NAALAD2: variants seen among roughly 807,000 people sequenced by gnomAD.
The protein encoded by NAALAD2 is N-acetylated alpha-linked acidic dipeptidase 2, also known as N-acetylated-alpha-linked acidic dipeptidase 2.
In NAALAD2, 89 loss-of-function variants were observed where a neutral mutation model predicts 95.6. The observed-to-expected ratio is 0.93, with a 90% CI of 0.78 to 1.11. The LOEUF (loss-of-function observed/expected upper bound fraction) is 1.11, where lower values mean the gene tolerates loss of function less well. NAALAD2 is among the 50% of genes least tolerant of loss of function. NAALAD2 has a pLI of 0.00. For missense variants in NAALAD2, 894 were observed against 872.4 expected, an observed-to-expected ratio of 1.02 and a Z score of -0.31; for synonymous variants, 264 against 294.4, an observed-to-expected ratio of 0.90 and a Z score of 1.06.
chr11:90,190,090 C>T (rs1267813010), intron 18 of NAALAD2, among the ~76,000 whole-genome samples: 4 of 152,150 alleles, frequency 2.6e-5, no homozygotes, highest in African/African-American at 7.2e-5. Flanking sequence ...TAGCTTGCTG[C>T]CTGCTTCTTA....
intron 18 of NAALAD2, among the ~76,000 whole-genome samples, chr11:90,186,532 G>A (rs1348648202): frequency 6.6e-6 from 1 of 151,548 alleles, no homozygotes; most frequent in Non-Finnish European, 1.5e-5. Context: ...AGTCCTTTGG[G>A]TATATACCCA....
At chr11:90,168,262 G>A (rs1372183661) in intron 11 of NAALAD2, among the ~76,000 whole-genome samples, 1 of 152,152 alleles carries the variant, frequency 6.6e-6, no homozygotes, top group East Asian at 1.9e-4. Flanking sequence ...AACATCAGTA[G>A]GAATAAACTC....
At chr11:90,173,375 A>C (rs573510109) in intron 13 of NAALAD2, among the ~76,000 whole-genome samples, 1 of 152,304 alleles carries the variant, frequency 6.6e-6, no homozygotes, top group South Asian at 2.1e-4. Flanking sequence ...CTGAGCTTGA[A>C]ATTATGTCAC....
chr11:90,149,120 A>T lies in NAALAD2; in HGVS notation c.483+13A>T. On this transcript the variant is annotated intron_variant, in intron 4 of 18. Coordinates refer to ENST00000534061, the MANE Select transcript of NAALAD2 (RefSeq NM_005467.4). ...AGGCATGCCAGAGGTAAAATAAAAT[A>T]CTTTTGTAATCCAAGTCTTTAAATG... The T allele has an allele frequency of 2.6e-6, 4 of 1,515,844 alleles. No individual in the cohort carries two copies. The South Asian group carries it at 4.7e-5, about 18-fold the overall frequency. The allele number at this position is 1,515,844 out of a possible 1,614,324, so 93.9% of individuals were successfully genotyped here.
At chr11:90,145,091 G>A (rs1487057799) in intron 2 of NAALAD2, among the ~76,000 whole-genome samples, 1 of 152,064 alleles carries the variant, frequency 6.6e-6, no homozygotes, top group African/African-American at 2.4e-5. Context: ...TTTGAGAAGG[G>A]GTAAATGACC....
chr11:90,154,884 T>TGTATATATTATATACGTATACATA (rs1565521412), intron 6 of NAALAD2, among the ~76,000 whole-genome samples: 20 of 51,064 alleles, frequency 3.9e-4, no homozygotes, highest in South Asian at 7.4e-4. Flanking sequence ...GTATACATAA[T>TGTATATATTATATACGTATACATA]ATATGTATAT....
At chr11:90,177,634 G>A (rs1462446512) in intron 15 of NAALAD2, among the ~76,000 whole-genome samples, 11 of 28,984 alleles carry the variant, frequency 3.8e-4, no homozygotes, top group Non-Finnish European at 6.5e-4. Context: ...TGTATTTTTA[G>A]TAGAGACAGG....
chr11:90,151,537 G>C (rs1951887016), intron 5 of NAALAD2, among the ~76,000 whole-genome samples: 1 of 152,074 alleles, frequency 6.6e-6, no homozygotes, highest in African/African-American at 2.4e-5. Context: ...GAAATTAAAT[G>C]GCTAAATAAT....
Position 90,150,947 on chromosome 11 carries a change from C to T in NAALAD2, c.609+340C>T, listed in dbSNP as rs371485433. ...TTAATAGCTTTTTTCAAACCTAATT[C>T]TGTGACATATAAATACATCTGTCCC... On this transcript the variant is annotated intron_variant, in intron 5 of 18. Transcript: ENST00000534061. Among the ~76,000 whole-genome samples, 71 of 152,188 alleles carry T rather than the reference C, an allele frequency of 4.7e-4. No homozygotes were observed. In the East Asian group the frequency reaches 0.013, roughly 29 times the overall value.
chr11:90,177,399 A>G (rs1952824543), intron 15 of NAALAD2, among the ~76,000 whole-genome samples: 1 of 151,134 alleles, frequency 6.6e-6, no homozygotes, highest in African/African-American at 2.4e-5. Flanking sequence ...AATTTTAGTT[A>G]TCGAAGATAC....
intron 17 of NAALAD2, among the ~76,000 whole-genome samples, chr11:90,182,062 A>G (rs1046003263): frequency 2.2e-4 from 33 of 152,146 alleles, no homozygotes; most frequent in African/African-American, 7.9e-4. Context: ...GAAAATTCTG[A>G]CTACAGCTGT....
At chr11:90,135,039 G>A in intron 1 of NAALAD2, 199 bp downstream of exon 1, 2 of 558,110 alleles carry the variant, frequency 3.6e-6, no homozygotes, top group Admixed American at 6.3e-5. Context: ...GATAAAGTGT[G>A]CTTGAAATTC....
intron 2 of NAALAD2, among the ~76,000 whole-genome samples, chr11:90,140,433 T>C (rs754183528): frequency 3.6e-5 from 5 of 138,310 alleles, no homozygotes; most frequent in African/African-American, 8.7e-5. Context: ...ACTTCATGCA[T>C]TCGTGACAAA....
intron 5 of NAALAD2, among the ~76,000 whole-genome samples, chr11:90,150,959 A>C (rs1480119938): frequency 6.6e-6 from 1 of 152,256 alleles, no homozygotes. Flanking sequence ...GTGACATATA[A>C]ATACATCTGT....
At chr11:90,156,013 T>C (rs976350562) in intron 6 of NAALAD2, among the ~76,000 whole-genome samples, 1 of 150,896 alleles carries the variant, frequency 6.6e-6, no homozygotes, top group East Asian at 1.9e-4. Context: ...ACTTGCTGAA[T>C]TTATGAGCAT....
chr11:90,173,063 A>G (rs865820671), intron 13 of NAALAD2, among the ~76,000 whole-genome samples: 6 of 152,202 alleles, frequency 3.9e-5, no homozygotes, highest in East Asian at 1.9e-4. Context: ...AAATAGACCA[A>G]TTTGACTCCA....
intron 2 of NAALAD2, among the ~76,000 whole-genome samples, chr11:90,138,745 T>TTTTTTTTTTTTTTTG: frequency 7.7e-6 from 1 of 129,638 alleles, no homozygotes; most frequent in Non-Finnish European, 1.5e-5. Context: ...TTTTTTTTTT[T>TTTTTTTTTTTTTTTG]TTTTTTTTTT....
At position 90,178,666 on chromosome 11, in the gene NAALAD2, T is replaced by G. The variant is rs541560625; in HGVS notation, c.1858+549T>G. Among the ~76,000 whole-genome samples, 4 of 144,776 alleles carry G rather than the reference T, an allele frequency of 2.8e-5. No homozygotes were observed. The South Asian group carries it at 8.9e-4, about 32-fold the overall frequency. 95.0% of individuals were successfully genotyped at this position (144,776 alleles called of 152,430 possible). A position where few individuals can be genotyped will look rare whatever the true frequency, so the allele number is the denominator to read the frequency against. On this transcript the variant is annotated intron_variant, in intron 16 of 18. Coordinates refer to ENST00000534061, the MANE Select transcript of NAALAD2 (RefSeq NM_005467.4). ...AGCCTGGGCGACAGAGCAAGGCTCC[T>G]TCTCAAAAAAAAAAAAAAATTTACT...
At chr11:90,174,479 G>T (rs1952730251) in intron 14 of NAALAD2, among the ~76,000 whole-genome samples, 3 of 152,080 alleles carry the variant, frequency 2.0e-5, no homozygotes, top group African/African-American at 7.2e-5. Flanking sequence ...TTAGCCATTA[G>T]TTGGCATTCT....
Sources: gnomAD v4.1 joint callset for allele counts (sites outside exome capture counted in the v4.1 genomes callset) on GRCh38, gnomAD v4.1.1 for gene constraint, MANE v1.5 for transcripts, NCBI Gene and HGNC (gene_info 2026-07-23, HGNC 2026-07-21) for gene names.